GRM5: variants seen among roughly 807,000 people sequenced by gnomAD.
GRM5 encodes glutamate metabotropic receptor 5.
GRM5 carries 19 observed loss-of-function variants against 83.1 expected under a neutral mutation model. The observed-to-expected ratio is 0.23, with a 90% CI of 0.16 to 0.34. The LOEUF (loss-of-function observed/expected upper bound fraction) is 0.34. GRM5 is among the 10% of genes least tolerant of loss of function. The pLI, the probability that GRM5 is intolerant of heterozygous loss-of-function variation, is 1.00. For missense variants in GRM5, 1,160 were observed against 1,588.3 expected, an observed-to-expected ratio of 0.73 and a Z score of 4.58; for synonymous variants, 675 against 633.6, an observed-to-expected ratio of 1.07 and a Z score of -0.98.
rs566001777 is a variant in GRM5 at position 88,614,152 on chromosome 11, A to G, written c.1148-9188T>C. ...AGGTGGGTTTGAGTCTCATTCTTTTATTTTTCTCTCTTTTGAACAGGGTAT... is the reference window on the plus strand; with the variant it reads ...AGGTGGGTTTGAGTCTCATTCTTTTGTTTTTCTCTCTTTTGAACAGGGTAT... On this transcript the variant is annotated intron_variant, in intron 4 of 9. Coordinates refer to ENST00000305447, the MANE Select transcript of GRM5 (RefSeq NM_001143831.3). Among the ~76,000 whole-genome samples the G allele has an allele frequency of 1.1e-4, 17 of 151,898 alleles. 1 individual carries two copies. Among genetic ancestry groups the G allele is most frequent in the South Asian group, 6.3e-4 (3 of 4,800 alleles).
intron 2 of GRM5, among the ~76,000 whole-genome samples, chr11:89,026,851 T>G (rs748989413): frequency 3.9e-5 from 6 of 152,234 alleles, no homozygotes; most frequent in Non-Finnish European, 8.8e-5. Context: ...TAGTTATTTC[T>G]GTCTTCTCAC....
At position 88,509,246 on chromosome 11, in the gene GRM5, G is replaced by A. The variant is rs759564171; in HGVS notation, c.2985C>T (p.Ala995=). The A allele has an allele frequency of 4.0e-6, 6 of 1,491,536 alleles. No homozygotes were observed. Among genetic ancestry groups the A allele is most frequent in the African/African-American group, 1.5e-5 (1 of 67,978 alleles). The allele number at this position is 1,491,536 out of a possible 1,614,324, so 92.4% of individuals were successfully genotyped here. ...CCACATCATACAGCGCCTTGGGGCC[G>A]GCGTCTGGGGACTCGGGCCCGCCTG... ...AGPGGPESPD[A]GPKALYDVAE... is the part of the protein sequence containing the mutation. The change falls in exon 10 of 10, where the codon GCC becomes GCT. Residue 995 remains alanine (A), a synonymous_variant. Transcript: ENST00000305447.
At chr11:88,644,698 T>C (rs918856473) in intron 4 of GRM5, among the ~76,000 whole-genome samples, 2 of 152,130 alleles carry the variant, frequency 1.3e-5, no homozygotes, top group Non-Finnish European at 1.5e-5. Flanking sequence ...GTAGAATTTT[T>C]GAAGAATACA....
chr11:89,056,524 T>C (rs887611325), intron 1 of GRM5, among the ~76,000 whole-genome samples: 1 of 152,144 alleles, frequency 6.6e-6, no homozygotes, highest in African/African-American at 2.4e-5. Context: ...AAAATAATAC[T>C]TCTAGAAATG....
Position 88,897,532 on chromosome 11 carries a change from C to G in GRM5, c.662-47377G>C, listed in dbSNP as rs188923010. 5.8e-3 allele frequency among the ~76,000 whole-genome samples: 883 copies of G among 151,932 alleles called. 2 individuals are homozygous for G. The highest frequency in any genetic ancestry group is 0.014 in the Middle Eastern group (4 of 294). On this transcript the variant is annotated intron_variant, in intron 2 of 9. Transcript: ENST00000305447. ...TTGCTGGGTGAACATCAGCAAGTTACTGATGGTAGTCGTTCTCTGCAGGAT... is the reference window on the plus strand; with the variant it reads ...TTGCTGGGTGAACATCAGCAAGTTAGTGATGGTAGTCGTTCTCTGCAGGAT...
chr11:88,620,249 G>A (rs568424627), intron 4 of GRM5, among the ~76,000 whole-genome samples: 10 of 152,296 alleles, frequency 6.6e-5, no homozygotes, highest in South Asian at 2.1e-4. Flanking sequence ...ATCTTCCATA[G>A]TTTCTAACAC....
At chr11:88,547,525 T>C (rs1325545053) in intron 8 of GRM5, among the ~76,000 whole-genome samples, 2 of 152,178 alleles carry the variant, frequency 1.3e-5, no homozygotes, top group Non-Finnish European at 2.9e-5. Flanking sequence ...GCCTTCCCTA[T>C]ATAAGCAACT....
chr11:89,057,675 G>A (rs1452201951), intron 1 of GRM5, among the ~76,000 whole-genome samples: 1 of 152,082 alleles, frequency 6.6e-6, no homozygotes, highest in Non-Finnish European at 1.5e-5. Context: ...AGGGATTTTA[G>A]ACTTTTACAC....
At chr11:88,959,294 T>C (rs1448868106) in intron 2 of GRM5, among the ~76,000 whole-genome samples, 2 of 152,002 alleles carry the variant, frequency 1.3e-5, no homozygotes, top group African/African-American at 4.8e-5. Context: ...TGTGATGTCA[T>C]GTTGAAATAA....
intron 3 of GRM5, among the ~76,000 whole-genome samples, chr11:88,836,376 T>C (rs1944095562): frequency 6.6e-6 from 1 of 152,248 alleles, no homozygotes; most frequent in Non-Finnish European, 1.5e-5. Context: ...TTTAGTATGA[T>C]TTATCACAAT....
At chr11:88,803,343 G>A (rs1166887636) in intron 3 of GRM5, among the ~76,000 whole-genome samples, 1 of 151,950 alleles carries the variant, frequency 6.6e-6, no homozygotes, top group South Asian at 2.1e-4. Context: ...CAGAGATATA[G>A]ATCAATGGAA....
In GRM5 at chr11:88,745,189, T is replaced by C. The variant is rs1942108521; in HGVS notation, c.912-91786A>G. Among the ~76,000 whole-genome samples, 16 of 24,552 alleles carry C rather than the reference T, an allele frequency of 6.5e-4. No individual in the cohort carries two copies. In the South Asian group the frequency reaches 0.07, roughly 107 times the overall value. 16.1% of individuals were successfully genotyped at this position (24,552 alleles called of 152,430 possible). A position where few individuals can be genotyped will look rare whatever the true frequency, so the allele number is the denominator to read the frequency against. On this transcript the variant is annotated intron_variant, in intron 3 of 9. Transcript: ENST00000305447. ...TCACTTCTCCTAATTTTTTTTTCTT[T>C]TTATTTTTCTTTTTTTTTTTTTCTG...
At chr11:89,037,469 T>A (rs1941419444) in intron 2 of GRM5, among the ~76,000 whole-genome samples, 1 of 152,074 alleles carries the variant, frequency 6.6e-6, no homozygotes, top group Admixed American at 6.5e-5. Flanking sequence ...TAACTTAAAT[T>A]CACAGTTTGT....
chr11:88,642,723 T>C (rs1939328954), intron 4 of GRM5, among the ~76,000 whole-genome samples: 2 of 152,156 alleles, frequency 1.3e-5, no homozygotes, highest in Admixed American at 1.3e-4. Flanking sequence ...CACACATCTC[T>C]AGGGAATGAA....
intron 3 of GRM5, among the ~76,000 whole-genome samples, chr11:88,804,421 TA>T (rs1242324667): frequency 6.7e-6 from 1 of 149,758 alleles, no homozygotes; most frequent in Non-Finnish European, 1.5e-5. Context: ...TCATTCTCAG[TA>T]AACTATCGCA....
chr11:88,999,784 C>G (rs185145324), intron 2 of GRM5, among the ~76,000 whole-genome samples: 1 of 152,152 alleles, frequency 6.6e-6, no homozygotes, highest in Non-Finnish European at 1.5e-5. Context: ...AAGACACATG[C>G]ACATGTATGT....
chr11:88,976,586 A>T (rs1034687973), intron 2 of GRM5, among the ~76,000 whole-genome samples: 1 of 152,142 alleles, frequency 6.6e-6, no homozygotes, highest in Admixed American at 6.5e-5. Flanking sequence ...TTATTATGTA[A>T]ATTTTACCCA....
intron 2 of GRM5, among the ~76,000 whole-genome samples, chr11:88,860,173 C>T (rs1423151911): frequency 1.3e-5 from 2 of 152,080 alleles, no homozygotes; most frequent in Non-Finnish European, 2.9e-5. Flanking sequence ...ATGAAAAAAT[C>T]ACTTTTTTAA....
intron 2 of GRM5, among the ~76,000 whole-genome samples, chr11:89,009,510 C>T (rs1940622586): frequency 6.6e-6 from 1 of 152,002 alleles, no homozygotes; most frequent in Non-Finnish European, 1.5e-5. Context: ...CCATTATATT[C>T]ATTAAGTAAT....
Sources: gnomAD v4.1 joint callset for allele counts (sites outside exome capture counted in the v4.1 genomes callset) on GRCh38, gnomAD v4.1.1 for gene constraint, MANE v1.5 for transcripts, NCBI Gene and HGNC (gene_info 2026-07-23, HGNC 2026-07-21) for gene names.